The following MAP4K3 variants were observed in gnomAD, a reference collection of about 807,000 sequenced individuals.
MAP4K3 encodes mitogen-activated protein kinase kinase kinase kinase 3.
A neutral mutation model predicts 143.5 loss-of-function variants in MAP4K3; 94 were observed. That is an observed-to-expected ratio of 0.65 (90% CI 0.55 to 0.78). The LOEUF (loss-of-function observed/expected upper bound fraction) is 0.78. MAP4K3 is among the 30% of genes least tolerant of loss of function. The pLI is 0.00. For synonymous variants in MAP4K3, 416 were observed against 347.2 expected, an observed-to-expected ratio of 1.20 and a Z score of -2.20; for missense variants, 1,077 against 1,068.1, an observed-to-expected ratio of 1.01 and a Z score of -0.12.
intron 26 of MAP4K3, among the ~76,000 whole-genome samples, chr2:39,271,160 T>C (rs1363979848): frequency 1.3e-5 from 2 of 152,174 alleles, no homozygotes; most frequent in East Asian, 1.9e-4. Context: ...AATTATAATA[T>C]GGTACAATAA....
At chr2:39,283,313 T>C (rs1390398343) in intron 21 of MAP4K3, among the ~76,000 whole-genome samples, 4 of 152,168 alleles carry the variant, frequency 2.6e-5, no homozygotes. Flanking sequence ...CACAGCAATA[T>C]CACCAAGCTG....
intron 28 of MAP4K3, among the ~76,000 whole-genome samples, chr2:39,263,608 G>A (rs568702822): frequency 1.3e-5 from 2 of 152,176 alleles, no homozygotes; most frequent in African/African-American, 2.4e-5. Context: ...AGAGAGACAC[G>A]GAAAGGAAAG....
intron 1 of MAP4K3, among the ~76,000 whole-genome samples, chr2:39,390,863 C>T (rs112152265): frequency 0.011 from 1,704 of 152,148 alleles, 17 homozygotes; most frequent in Non-Finnish European, 0.018. Flanking sequence ...AAAAATCAAT[C>T]GCCCTATAAA....
chr2:39,433,453 T>A (rs1241180620), intron 1 of MAP4K3, among the ~76,000 whole-genome samples: 1 of 152,158 alleles, frequency 6.6e-6, no homozygotes, highest in Non-Finnish European at 1.5e-5. Context: ...AAAATTAAAC[T>A]GGAAAACTGC....
rs951592075 is a variant in MAP4K3, at chr2:39,258,345, T to C, written c.2470+3A>G. ...TGCAAAGAATTATAAAACTTTGACT[T>C]ACCTATTGATTCAATCTGGAAATCA... On this transcript the variant is annotated splice_donor_region_variant and intron_variant, in intron 31 of 33. Coordinates refer to ENST00000263881, the MANE Select transcript of MAP4K3 (RefSeq NM_003618.4). 1.3e-6 allele frequency: 2 copies of C among 1,572,816 alleles called. No individual in the cohort carries two copies. Among genetic ancestry groups the C allele is most frequent in the Non-Finnish European group, 1.7e-6 (2 of 1,150,276 alleles).
chr2:39,408,484 T>C (rs1468004304), intron 1 of MAP4K3, among the ~76,000 whole-genome samples: 2 of 152,162 alleles, frequency 1.3e-5, no homozygotes, highest in African/African-American at 4.8e-5. Context: ...ATTTCATCAT[T>C]GAAGATATAT....
chr2:39,409,124 T>C (rs1016509464), intron 1 of MAP4K3, among the ~76,000 whole-genome samples: 2 of 152,178 alleles, frequency 1.3e-5, no homozygotes, highest in East Asian at 1.9e-4. Flanking sequence ...AAGACAAGGA[T>C]AGACACTTAT....
In MAP4K3 at chr2:39,254,387, C is replaced by T. The variant is rs898263008; in HGVS notation, c.2541+63G>A. 57 of 1,272,776 alleles carry T rather than the reference C, an allele frequency of 4.5e-5. No individual in the cohort carries two copies. The African/African-American group carries it at 5.1e-4, about 11-fold the overall frequency. 78.8% of individuals were successfully genotyped at this position (1,272,776 alleles called of 1,614,324 possible). On this transcript the variant is annotated intron_variant, in intron 32 of 33. Coordinates refer to ENST00000263881, the MANE Select transcript of MAP4K3 (RefSeq NM_003618.4). ...AGCATTACTTGTATCATTTAGGAAT[C>T]GAACTGTTTGAAGTGGAATTTGATA...
intron 29 of MAP4K3, among the ~76,000 whole-genome samples, chr2:39,258,809 T>C (rs1309127431): frequency 6.6e-6 from 1 of 152,252 alleles, no homozygotes; most frequent in Admixed American, 6.5e-5. Context: ...TCAATACTAC[T>C]GGCAATGCGG....
At chr2:39,292,621 T>A in intron 18 of MAP4K3, 152 bp downstream of exon 18, 2 of 694,754 alleles carry the variant, frequency 2.9e-6, no homozygotes, top group Middle Eastern at 4.1e-4. Flanking sequence ...CAAGTTAATG[T>A]AACTAGAATA....
chr2:39,260,049 ATTCAT>A (rs1236555052), intron 29 of MAP4K3, among the ~76,000 whole-genome samples: 2 of 152,208 alleles, frequency 1.3e-5, no homozygotes, highest in Non-Finnish European at 2.9e-5. Context: ...AGATCCTTAT[ATTCAT>A]TTCTAAATAA....
At chr2:39,309,664 T>C in intron 13 of MAP4K3, 145 bp from the exon 14 acceptor site, 1 of 519,848 alleles carries the variant, frequency 1.9e-6, no homozygotes, top group Non-Finnish European at 3.3e-6. Flanking sequence ...TTCCCACCAT[T>C]TCCCTGCCTC....
At chr2:39,358,520 T>C (rs1230026910) in intron 2 of MAP4K3, among the ~76,000 whole-genome samples, 1 of 152,276 alleles carries the variant, frequency 6.6e-6, no homozygotes, top group East Asian at 1.9e-4. Flanking sequence ...TGGCTTTAGG[T>C]TTTCAACTGC....
intron 1 of MAP4K3, among the ~76,000 whole-genome samples, chr2:39,390,246 C>G (rs1308620419): frequency 1.3e-5 from 2 of 152,082 alleles, no homozygotes; most frequent in Non-Finnish European, 2.9e-5. Context: ...TCCTGTTGTG[C>G]CTTCAGATTG....
rs764258092 is a variant in MAP4K3, at chr2:39,315,303, T to C, written c.997+7A>G. 5.1e-6 allele frequency: 8 copies of C among 1,559,384 alleles called. No homozygotes were observed. The African/African-American group carries it at 9.5e-5, about 19-fold the overall frequency. On this transcript the variant is annotated splice_region_variant and intron_variant, in intron 13 of 33. Coordinates refer to ENST00000263881, the MANE Select transcript of MAP4K3 (RefSeq NM_003618.4). ...TAAATCATAAACTGTGTATAGTATA[T>C]ACTTACAGGTTATCTCTGAGCGTGT...
At chr2:39,395,222 T>G (rs1262604992) in intron 1 of MAP4K3, among the ~76,000 whole-genome samples, 2 of 152,164 alleles carry the variant, frequency 1.3e-5, no homozygotes, top group Non-Finnish European at 2.9e-5. Context: ...AGGGCTCTGT[T>G]GTATAAAAAT....
intron 12 of MAP4K3, among the ~76,000 whole-genome samples, chr2:39,320,034 T>C (rs1683252416): frequency 6.6e-6 from 1 of 152,174 alleles, no homozygotes; most frequent in Non-Finnish European, 1.5e-5. Flanking sequence ...TTTCTAGCAA[T>C]GTCACTTCCT....
intron 24 of MAP4K3, among the ~76,000 whole-genome samples, chr2:39,275,794 T>G (rs1681224215): frequency 6.6e-6 from 1 of 152,242 alleles, no homozygotes; most frequent in African/African-American, 2.4e-5. Flanking sequence ...ATTTAAAAAA[T>G]GAAGATGAAA....
chr2:39,381,536 A>T (rs1666355624), intron 1 of MAP4K3, among the ~76,000 whole-genome samples: 1 of 152,190 alleles, frequency 6.6e-6, no homozygotes, highest in Admixed American at 6.5e-5. Flanking sequence ...TGTTGCAGCT[A>T]AGAAACCATT....
Sources: gnomAD v4.1 joint callset for allele counts (sites outside exome capture counted in the v4.1 genomes callset) on GRCh38, gnomAD v4.1.1 for gene constraint, MANE v1.5 for transcripts, NCBI Gene and HGNC (gene_info 2026-07-23, HGNC 2026-07-21) for gene names.